STRN3: variants seen among roughly 807,000 people sequenced by gnomAD.
The protein encoded by STRN3 is striatin 3, also known as striatin-3.
In STRN3, 29 loss-of-function variants were observed where a neutral mutation model predicts 95.6. The observed-to-expected ratio is 0.30, with a 90% CI of 0.23 to 0.41. The LOEUF (loss-of-function observed/expected upper bound fraction) is 0.41, where lower values mean the gene tolerates loss of function less well. STRN3 is among the 10% of genes least tolerant of loss of function. The probability of loss-of-function intolerance (pLI) is 1.00; values close to 1 mark genes in which losing one functional copy is unlikely to be tolerated. For synonymous variants in STRN3, 331 were observed against 357.6 expected, an observed-to-expected ratio of 0.93 and a Z score of 0.84; for missense variants, 890 against 972.1, an observed-to-expected ratio of 0.92 and a Z score of 1.12.
chr14:30,977,894 C>A (rs1881193596), intron 1 of STRN3, among the ~76,000 whole-genome samples: 1 of 150,900 alleles, frequency 6.6e-6, no homozygotes, highest in Non-Finnish European at 1.5e-5. Context: ...TTAATGCCCA[C>A]AAATTTGATA....
At chr14:30,937,209 G>A (rs1878866540) in intron 5 of STRN3, among the ~76,000 whole-genome samples, 1 of 152,114 alleles carries the variant, frequency 6.6e-6, no homozygotes, top group African/African-American at 2.4e-5. Flanking sequence ...AGCTACTCAG[G>A]AGGCTGAGAT....
At chr14:31,010,583 T>C (rs1882925803) in intron 1 of STRN3, among the ~76,000 whole-genome samples, 1 of 152,114 alleles carries the variant, frequency 6.6e-6, no homozygotes, top group African/African-American at 2.4e-5. Flanking sequence ...CTGAACTTTT[T>C]CAACGTACTT....
chr14:31,011,029 ACT>A (rs1566491226), intron 1 of STRN3, among the ~76,000 whole-genome samples: 1 of 152,026 alleles, frequency 6.6e-6, no homozygotes, highest in African/African-American at 2.4e-5. Context: ...ACAGAGCAAC[ACT>A]CTGTCTCAAA....
At chr14:31,025,647 A>AT in intron 1 of STRN3, 1 of 539,108 alleles carries the variant, frequency 1.9e-6, no homozygotes, top group East Asian at 3.7e-5. Context: ...CGCAGACGCC[A>AT]TACTAAAAGC....
chr14:30,935,377 A>C lies in STRN3; in HGVS notation c.847-73T>G, dbSNP rs987654382. The C allele has an allele frequency of 2.4e-5, 35 of 1,489,156 alleles. No individual in the cohort carries two copies. The African/African-American group carries it at 4.5e-4, about 19-fold the overall frequency. 92.2% of individuals were successfully genotyped at this position (1,489,156 alleles called of 1,614,324 possible). ...AGGGATGCTTTAATATTGTCACATA[A>C]CTACATTTACACACCCATTTTAAAA... On this transcript the variant is annotated intron_variant, in intron 6 of 17. Coordinates refer to ENST00000357479, the MANE Select transcript of STRN3 (RefSeq NM_001083893.2).
chr14:30,988,775 A>G (rs1881813011), intron 1 of STRN3, among the ~76,000 whole-genome samples: 1 of 152,190 alleles, frequency 6.6e-6, no homozygotes, highest in African/African-American at 2.4e-5. Context: ...TCTGTACTCT[A>G]CCACAAGTGA....
At chr14:30,961,006 A>G (rs1880177305) in intron 1 of STRN3, among the ~76,000 whole-genome samples, 1 of 152,120 alleles carries the variant, frequency 6.6e-6, no homozygotes, top group South Asian at 2.1e-4. Context: ...TTTAGGATAT[A>G]ACAAGTATCA....
intron 13 of STRN3, among the ~76,000 whole-genome samples, chr14:30,909,232 T>C (rs1013865139): frequency 6.6e-6 from 1 of 152,206 alleles, no homozygotes; most frequent in Admixed American, 6.5e-5. Flanking sequence ...TGGCTGCACA[T>C]AGTGGCTCAT....
intron 1 of STRN3, among the ~76,000 whole-genome samples, chr14:30,968,804 T>C (rs944274753): frequency 6.6e-6 from 1 of 152,168 alleles, no homozygotes; most frequent in African/African-American, 2.4e-5. Flanking sequence ...TTGTATAATT[T>C]AAAAGTAATT....
chr14:30,919,886 G>C (rs1383071251), intron 8 of STRN3, among the ~76,000 whole-genome samples: 1 of 151,996 alleles, frequency 6.6e-6, no homozygotes, highest in Non-Finnish European at 1.5e-5. Flanking sequence ...CTGAACTTTA[G>C]AAATAGCAGA....
intron 5 of STRN3, among the ~76,000 whole-genome samples, chr14:30,943,682 C>T (rs1301362681): frequency 1.3e-5 from 2 of 152,178 alleles, no homozygotes; most frequent in African/African-American, 4.8e-5. Context: ...TATATGCATA[C>T]ATTGGAATAT....
At chr14:30,933,280 T>TAAAAAAA (rs35736582) in intron 7 of STRN3, among the ~76,000 whole-genome samples, 5 of 22,768 alleles carry the variant, frequency 2.2e-4, no homozygotes, top group Admixed American at 8.2e-4. Context: ...CCCTGTTTCA[T>TAAAAAAA]AAAAAAAAAA....
At chr14:30,900,144 G>A (rs1244374326) in intron 16 of STRN3, among the ~76,000 whole-genome samples, 1 of 152,024 alleles carries the variant, frequency 6.6e-6, no homozygotes, top group Non-Finnish European at 1.5e-5. Context: ...GATCACCTGA[G>A]GTCAGGAGTT....
intron 16 of STRN3, among the ~76,000 whole-genome samples, chr14:30,902,100 G>T (rs1213510085): frequency 1.5e-5 from 2 of 134,004 alleles, no homozygotes. Context: ...GAACTCAAGA[G>T]GCCGAGATTG....
chr14:30,960,517 GA>G (rs1249877459), intron 1 of STRN3, among the ~76,000 whole-genome samples: 2 of 151,980 alleles, frequency 1.3e-5, no homozygotes, highest in African/African-American at 4.8e-5. Flanking sequence ...AGAACATTGA[GA>G]AAAAAATGGT....
chr14:30,923,484 CAA>C (rs1312978723), intron 8 of STRN3, among the ~76,000 whole-genome samples: 1 of 151,532 alleles, frequency 6.6e-6, no homozygotes, highest in African/African-American at 2.4e-5. Context: ...AGGGAAATGG[CAA>C]AAAAGTCATA....
chr14:30,936,453 C>T (rs1453090097), intron 6 of STRN3, 42 bp downstream of exon 6: 1 of 1,574,974 alleles, frequency 6.3e-7, no homozygotes, highest in Non-Finnish European at 8.6e-7. Flanking sequence ...ATTCCAACTA[C>T]ATGAATATAT....
intron 1 of STRN3, chr14:31,018,586 G>A: frequency 2.0e-6 from 1 of 494,088 alleles, no homozygotes; most frequent in African/African-American, 2.0e-5. Flanking sequence ...AGCTGTGGGT[G>A]TTGGACTCAG....
In STRN3 at chr14:30,950,935, T is replaced by C. The variant is rs367844654; in HGVS notation, c.470A>G (p.Lys157Arg). The C allele has an allele frequency of 9.9e-6, 16 of 1,611,834 alleles. No individual in the cohort carries two copies. The African/African-American group carries it at 1.7e-4, about 18-fold the overall frequency. ...AGGTGCTGTGGGAGCCTCTGTGTCT[T>C]TGGTTTCTTCTAAAAATTAAGAAAA... ...KMPTFESEETKDTEAPTAPQN... is the reference protein window; with the variant it reads ...KMPTFESEETRDTEAPTAPQN... The change falls in exon 4 of 18, where the codon AAA becomes AGA. Residue 157 changes from lysine to arginine, a missense_variant. This residue lies in a region of STRN3 where 526 missense variants were observed against 526.3 expected (regional missense o/e 1.00). Transcript: ENST00000357479.
Sources: allele counts gnomAD v4.1 joint callset (sites outside exome capture counted in the v4.1 genomes callset), GRCh38; gene constraint gnomAD v4.1.1; regional missense constraint gnomAD v4.1.1; transcripts MANE v1.5; gene names NCBI Gene and HGNC (gene_info 2026-07-23, HGNC 2026-07-21).